The following LHFPL3 variants were observed in gnomAD, a reference collection of about 807,000 sequenced individuals.
LHFPL3 encodes LHFPL tetraspan subfamily member 3 protein.
Under a neutral mutation model 19.3 loss-of-function variants are expected in LHFPL3, and 5 were observed. The ratio of observed to expected loss-of-function variants is 0.26; its 90% CI spans 0.14 to 0.54. The LOEUF is 0.54. LHFPL3 is among the 20% of genes least tolerant of loss of function. The probability of loss-of-function intolerance (pLI) is 0.94; values close to 1 mark genes in which losing one functional copy is unlikely to be tolerated. For synonymous variants in LHFPL3, 133 were observed against 126.2 expected (o/e 1.05, Z -0.36); for missense variants, 249 against 307.4 (o/e 0.81, Z 1.42).
chr7:104,444,966 C>T (rs542837105), intron 1 of LHFPL3, among the ~76,000 whole-genome samples: 3 of 149,896 alleles, frequency 2.0e-5, no homozygotes, highest in East Asian at 3.9e-4. Context: ...CCAGCCTGGG[C>T]AACAAGAGTG....
chr7:104,656,593 T>A (rs963235956), intron 1 of LHFPL3, among the ~76,000 whole-genome samples: 5 of 152,234 alleles, frequency 3.3e-5, no homozygotes, highest in Middle Eastern at 3.4e-3. Context: ...CTGAAGAGGA[T>A]CTAAAAGGGT....
chr7:104,446,691 T>A (rs1792336432), intron 1 of LHFPL3, among the ~76,000 whole-genome samples: 1 of 152,204 alleles, frequency 6.6e-6, no homozygotes, highest in Non-Finnish European at 1.5e-5. Flanking sequence ...TTCTCTTGCC[T>A]CAGCCTCCTG....
At chr7:104,774,917 T>C (rs1562988857) in intron 2 of LHFPL3, among the ~76,000 whole-genome samples, 2 of 152,216 alleles carry the variant, frequency 1.3e-5, no homozygotes, top group Non-Finnish European at 2.9e-5. Flanking sequence ...CCACTTCTCC[T>C]GCCTCCTTGA....
chr7:104,716,973 A>G (rs1584494712), intron 1 of LHFPL3, among the ~76,000 whole-genome samples: 1 of 152,232 alleles, frequency 6.6e-6, no homozygotes, highest in African/African-American at 2.4e-5. Flanking sequence ...ATAAAGACAG[A>G]CATGTAGTCC....
intron 1 of LHFPL3, among the ~76,000 whole-genome samples, chr7:104,732,125 C>A (rs1237809046): frequency 6.6e-6 from 1 of 152,110 alleles, no homozygotes; most frequent in East Asian, 1.9e-4. Context: ...ATTCAGTTTG[C>A]CAGTATTTTA....
At chr7:104,435,526 T>G (rs917657782) in intron 1 of LHFPL3, among the ~76,000 whole-genome samples, 3 of 150,876 alleles carry the variant, frequency 2.0e-5, no homozygotes, top group Admixed American at 6.6e-5. Flanking sequence ...AAAAAGTCAT[T>G]TTTATAAAAT....
intron 1 of LHFPL3, among the ~76,000 whole-genome samples, chr7:104,396,089 G>C (rs1791179150): frequency 6.6e-6 from 1 of 152,110 alleles, no homozygotes; most frequent in South Asian, 2.1e-4. Flanking sequence ...GCTATCCCTG[G>C]CCTTGGGTTC....
At chr7:104,742,882 G>T (rs1408730373) in intron 2 of LHFPL3, among the ~76,000 whole-genome samples, 1 of 152,016 alleles carries the variant, frequency 6.6e-6, no homozygotes, top group East Asian at 1.9e-4. Context: ...GGGATGGGAG[G>T]CCGAGTCAGG....
At chr7:104,363,149 C>A (rs575274381) in intron 1 of LHFPL3, among the ~76,000 whole-genome samples, 1 of 152,262 alleles carries the variant, frequency 6.6e-6, no homozygotes, top group Non-Finnish European at 1.5e-5. Context: ...ACTGTTATCA[C>A]CTTTGTTTAA....
At chr7:104,645,076 T>C (rs1791907498) in intron 1 of LHFPL3, among the ~76,000 whole-genome samples, 1 of 152,224 alleles carries the variant, frequency 6.6e-6, no homozygotes, top group South Asian at 2.1e-4. Flanking sequence ...CATTGAATTT[T>C]ATGCATGATT....
chr7:104,841,941 G>T (rs1052324342), intron 2 of LHFPL3, among the ~76,000 whole-genome samples: 1 of 151,944 alleles, frequency 6.6e-6, no homozygotes, highest in African/African-American at 2.4e-5. Flanking sequence ...AAAGAGGCCG[G>T]ATGAGGCTTC....
chr7:104,579,999 A>G (rs1265379886), intron 1 of LHFPL3, among the ~76,000 whole-genome samples: 1 of 152,186 alleles, frequency 6.6e-6, no homozygotes, highest in Non-Finnish European at 1.5e-5. Flanking sequence ...ATTCTTACTC[A>G]AATTGTTAAC....
chr7:104,710,039 C>T (rs1056089553), intron 1 of LHFPL3, among the ~76,000 whole-genome samples: 3 of 152,206 alleles, frequency 2.0e-5, no homozygotes, highest in Non-Finnish European at 4.4e-5. Context: ...CAACATTGAG[C>T]ACTGAGTGAG....
chr7:104,493,778 T>C (rs1236913234), intron 1 of LHFPL3, among the ~76,000 whole-genome samples: 3 of 152,110 alleles, frequency 2.0e-5, no homozygotes, highest in Non-Finnish European at 1.5e-5. Flanking sequence ...TCCTGAGCTA[T>C]TATAATCACC....
intron 2 of LHFPL3, among the ~76,000 whole-genome samples, chr7:104,885,001 G>A (rs557582077): frequency 6.6e-6 from 1 of 152,256 alleles, no homozygotes; most frequent in South Asian, 2.1e-4. Context: ...GGGAAGAGGA[G>A]AGGAAGGAGA....
chr7:104,781,885 A>T (rs1192338893), intron 2 of LHFPL3, among the ~76,000 whole-genome samples: 1 of 152,164 alleles, frequency 6.6e-6, no homozygotes, highest in African/African-American at 2.4e-5. Flanking sequence ...TTTGCTTTGA[A>T]GGCCTTGCTT....
intron 2 of LHFPL3, among the ~76,000 whole-genome samples, chr7:104,886,289 G>T (rs1792146185): frequency 6.6e-6 from 1 of 152,186 alleles, no homozygotes; most frequent in Non-Finnish European, 1.5e-5. Context: ...AAGTATTAAT[G>T]TAGGTAAGGA....
intron 1 of LHFPL3, among the ~76,000 whole-genome samples, chr7:104,660,004 GT>G (rs35499793): frequency 0.35 from 48,722 of 140,092 alleles, 7,966 homozygotes; most frequent in East Asian, 0.6. Context: ...ACAGCAACTC[GT>G]TTTTTTTTTT....
At chr7:104,534,973 G>A (rs1418869505) in intron 1 of LHFPL3, among the ~76,000 whole-genome samples, 1 of 152,096 alleles carries the variant, frequency 6.6e-6, no homozygotes, top group East Asian at 1.9e-4. Flanking sequence ...TACCATGATT[G>A]ACACAGAACT....
Sources: allele counts gnomAD v4.1 joint callset (sites outside exome capture counted in the v4.1 genomes callset), GRCh38; gene constraint gnomAD v4.1.1; transcripts MANE v1.5; gene names NCBI Gene and HGNC (gene_info 2026-07-23, HGNC 2026-07-21).